The following BCAS2 variants were observed in gnomAD, a reference collection of about 807,000 sequenced individuals.
The protein encoded by BCAS2 is BCAS2 pre-mRNA processing factor, also known as pre-mRNA-splicing factor SPF27.
Under a neutral mutation model 35.3 loss-of-function variants are expected in BCAS2, and 34 were observed. The ratio of observed to expected loss-of-function variants is 0.96; its 90% CI spans 0.73 to 1.28. The LOEUF is 1.28. BCAS2 is among the 50% of genes most tolerant of loss of function. The pLI, the probability that BCAS2 is intolerant of heterozygous loss-of-function variation, is 0.00. For missense variants in BCAS2, 221 were observed against 268.1 expected, an observed-to-expected ratio of 0.82 and a Z score of 1.23; for synonymous variants, 75 against 91.6, an observed-to-expected ratio of 0.82 and a Z score of 1.03.
intron 3 of BCAS2, 55 bp from the exon 4 acceptor site, chr1:114,575,806 T>A (rs1654748606): frequency 6.4e-7 from 1 of 1,569,520 alleles, no homozygotes; most frequent in East Asian, 2.3e-5. Context: ...AGCCTTTACA[T>A]CTCTTCTCAG....
At chr1:114,569,322 G>A (rs1291387958) in intron 6 of BCAS2, among the ~76,000 whole-genome samples, 1 of 151,756 alleles carries the variant, frequency 6.6e-6, no homozygotes. Context: ...GTAATGAAGG[G>A]AGAAAGGGAA....
intron 4 of BCAS2, 35 bp downstream of exon 4, chr1:114,575,555 C>T: frequency 6.4e-7 from 1 of 1,554,080 alleles, no homozygotes; most frequent in Non-Finnish European, 8.7e-7. Context: ...AGAGAAAAAA[C>T]AAAAAAAACA....
chr1:114,568,287 T>C, intron 6 of BCAS2, 31 bp from the exon 7 acceptor site: 1 of 1,604,106 alleles, frequency 6.2e-7, no homozygotes, highest in Non-Finnish European at 8.5e-7. Context: ...AGAAAAAAAT[T>C]ACTCAATGTA....
chr1:114,577,951 G>T (rs144929306), intron 2 of BCAS2, among the ~76,000 whole-genome samples: 1 of 152,186 alleles, frequency 6.6e-6, no homozygotes, highest in Non-Finnish European at 1.5e-5. Context: ...CCAGCACTTC[G>T]GGAGGCCGAG....
At chr1:114,575,538 A>G in intron 4 of BCAS2, 52 bp downstream of exon 4, 1 of 1,528,828 alleles carries the variant, frequency 6.5e-7, no homozygotes. Flanking sequence ...GGTGAGATGG[A>G]AAGAAAAGAG....
At chr1:114,576,245 C>CTATATATA (rs1280617063) in intron 3 of BCAS2, among the ~76,000 whole-genome samples, 4 of 142,416 alleles carry the variant, frequency 2.8e-5, no homozygotes, top group African/African-American at 1.0e-4. Flanking sequence ...CTCTCTCTCT[C>CTATATATA]TCTATATATA....
intron 2 of BCAS2, among the ~76,000 whole-genome samples, chr1:114,578,073 C>T (rs1211620841): frequency 1.3e-5 from 2 of 152,108 alleles, no homozygotes; most frequent in African/African-American, 4.8e-5. Context: ...TGCCTGTAAT[C>T]CCAGATACTC....
chr1:114,581,436 C>T (rs1654887703), intron 1 of BCAS2, 45 bp from the exon 2 acceptor site: 3 of 1,613,996 alleles, frequency 1.9e-6, no homozygotes, highest in Non-Finnish European at 8.5e-7. Flanking sequence ...CAAATTGTAA[C>T]ATGTTTCTTT....
intron 4 of BCAS2, 93 bp from the exon 5 acceptor site, chr1:114,570,843 T>G (rs919014970): frequency 9.3e-6 from 8 of 864,030 alleles, no homozygotes; most frequent in Non-Finnish European, 5.6e-6. Flanking sequence ...AAATCATATT[T>G]ATGGAGCTCT....
intron 4 of BCAS2, among the ~76,000 whole-genome samples, chr1:114,574,113 AAGCTAG>A (rs2101628238): frequency 6.6e-6 from 1 of 152,316 alleles, no homozygotes; most frequent in South Asian, 2.1e-4. Context: ...ATAAATACTA[AAGCTAG>A]AGCTAGTTAC....
At chr1:114,568,299 A>T in intron 6 of BCAS2, 43 bp from the exon 7 acceptor site, 4 of 1,591,266 alleles carry the variant, frequency 2.5e-6, no homozygotes, top group Non-Finnish European at 3.4e-6. Context: ...CTCAATGTAA[A>T]ACTTCTCTTA....
At chr1:114,573,466 C>G (rs991705965) in intron 4 of BCAS2, among the ~76,000 whole-genome samples, 20 of 152,122 alleles carry the variant, frequency 1.3e-4, no homozygotes, top group Non-Finnish European at 2.9e-4. Context: ...CTCTTGGCCT[C>G]AAGTGATCCT....
At chr1:114,577,717 G>A (rs911202861) in intron 2 of BCAS2, among the ~76,000 whole-genome samples, 1 of 152,146 alleles carries the variant, frequency 6.6e-6, no homozygotes. Flanking sequence ...TAGGGCCAAC[G>A]TCCTAACCCA....
intron 2 of BCAS2, among the ~76,000 whole-genome samples, chr1:114,580,567 T>C (rs1329380362): frequency 2.0e-5 from 3 of 152,216 alleles, no homozygotes; most frequent in Non-Finnish European, 4.4e-5. Context: ...AACTTTTTGT[T>C]TTATATATCT....
At chr1:114,572,586 A>T (rs1224684964) in intron 4 of BCAS2, among the ~76,000 whole-genome samples, 1 of 152,242 alleles carries the variant, frequency 6.6e-6, no homozygotes, top group Non-Finnish European at 1.5e-5. Flanking sequence ...AATTCTGTGT[A>T]TAGTTACTCA....
At position 114,569,877 on chromosome 1, in the gene BCAS2, T is replaced by C. The variant is rs528241829; in HGVS notation, c.551+115A>G. ...GACGGGGAAGGGTGAATTCAGAAAA[T>C]AGCATTTCTTTGTTACCTGTGGCAT... On this transcript the variant is annotated intron_variant, in intron 6 of 6. Coordinates refer to ENST00000369541, the MANE Select transcript of BCAS2 (RefSeq NM_005872.3). The C allele has an allele frequency of 5.8e-5, 45 of 782,106 alleles. 1 individual carries two copies. The highest frequency in any genetic ancestry group is 3.7e-4 in the Middle Eastern group (1 of 2,702). 48.4% of individuals were successfully genotyped at this position (782,106 alleles called of 1,614,324 possible).
chr1:114,570,140 T>G lies in BCAS2; in HGVS notation c.471-68A>C, dbSNP rs1654609663. 3 of 1,087,794 alleles carry G rather than the reference T, an allele frequency of 2.8e-6. No individual in the cohort carries two copies. In the South Asian group the frequency reaches 4.0e-5, roughly 14 times the overall value. The allele number at this position is 1,087,794 out of a possible 1,614,324, so 67.4% of individuals were successfully genotyped here. ...AGACCTAAATCAACAGAAAACTCTATAACACAAGAGAATATCTTAATCCCA... is the reference window on the plus strand; with the variant it reads ...AGACCTAAATCAACAGAAAACTCTAGAACACAAGAGAATATCTTAATCCCA... On this transcript the variant is annotated intron_variant, in intron 5 of 6. Coordinates refer to ENST00000369541, the MANE Select transcript of BCAS2 (RefSeq NM_005872.3).
chr1:114,573,777 AAAAG>A (rs1654699833), intron 4 of BCAS2, among the ~76,000 whole-genome samples: 1 of 152,196 alleles, frequency 6.6e-6, no homozygotes, highest in Non-Finnish European at 1.5e-5. Context: ...ATAGATATAT[AAAAG>A]AAAGTTAGTT....
rs781165583 is a variant in BCAS2 at position 114,581,291 on chromosome 1, ATACT to A, written c.186+4_186+7del. 3.3e-5 allele frequency: 54 copies of A among 1,613,788 alleles called. 1 individual carries two copies. The Admixed American group carries it at 7.8e-4, about 23-fold the overall frequency. On this transcript the variant is annotated splice_donor_5th_base_variant and intron_variant, in intron 2 of 6. Coordinates refer to ENST00000369541, the MANE Select transcript of BCAS2 (RefSeq NM_005872.3). ...TCTCGTTCACACCTAGGCTCAAGACATACTTACTTCAAAGGCAGAATAATCCGGG... is the reference window on the plus strand; with the variant it reads ...TCTCGTTCACACCTAGGCTCAAGACATACTTCAAAGGCAGAATAATCCGGG...
Sources: gnomAD v4.1 joint callset for allele counts (sites outside exome capture counted in the v4.1 genomes callset) on GRCh38, gnomAD v4.1.1 for gene constraint, MANE v1.5 for transcripts, NCBI Gene and HGNC (gene_info 2026-07-23, HGNC 2026-07-21) for gene names.